The following SCUBE1 variants were observed in gnomAD, a reference collection of about 807,000 sequenced individuals.
The protein encoded by SCUBE1 is signal peptide, CUB and EGF-like domain-containing protein 1.
Under a neutral mutation model 124.4 loss-of-function variants are expected in SCUBE1, and 59 were observed. The observed-to-expected ratio is 0.47, with a 90% confidence interval of 0.38 to 0.59. The LOEUF (loss-of-function observed/expected upper bound fraction) is 0.59, where lower values mean the gene tolerates loss of function less well. Ranked by LOEUF, SCUBE1 falls within the 20% of genes least tolerant of loss-of-function variation. The pLI is 0.00. For synonymous variants in SCUBE1, 545 were observed against 550.9 expected, an observed-to-expected ratio of 0.99 and a Z score of 0.15; for missense variants, 1,150 against 1,371.2, an observed-to-expected ratio of 0.84 and a Z score of 2.55.
chr22:43,339,444 T>C (rs1927194742), intron 1 of SCUBE1, among the ~76,000 whole-genome samples: 1 of 152,042 alleles, frequency 6.6e-6, no homozygotes, highest in Non-Finnish European at 1.5e-5. Flanking sequence ...GACAATGCTA[T>C]CAATACGCTT....
chr22:43,249,009 C>G (rs576600899), intron 6 of SCUBE1, among the ~76,000 whole-genome samples: 42 of 152,306 alleles, frequency 2.8e-4, no homozygotes, highest in African/African-American at 9.6e-4. Context: ...CTTCTGCCCC[C>G]AGTCAGGGGG....
chr22:43,247,366 C>A (rs947000846), intron 6 of SCUBE1, among the ~76,000 whole-genome samples: 5 of 152,168 alleles, frequency 3.3e-5, no homozygotes, highest in Admixed American at 3.3e-4. Context: ...AGGACTGAAC[C>A]CCGGTCTGAC....
intron 4 of SCUBE1, among the ~76,000 whole-genome samples, chr22:43,268,212 G>A (rs2146718819): frequency 6.6e-6 from 1 of 152,368 alleles, no homozygotes; most frequent in Admixed American, 6.5e-5. Flanking sequence ...TGAGCCTGAG[G>A]GACGGAAGGG....
intron 3 of SCUBE1, among the ~76,000 whole-genome samples, chr22:43,317,517 C>T (rs1926393368): frequency 1.3e-5 from 2 of 152,180 alleles, no homozygotes; most frequent in South Asian, 4.1e-4. Context: ...CCTCCCTCTA[C>T]CAACAAGGGC....
intron 21 of SCUBE1, 121 bp downstream of exon 21, chr22:43,207,413 T>C (rs1383926171): frequency 2.6e-6 from 2 of 756,612 alleles, no homozygotes; most frequent in Non-Finnish European, 2.3e-6. Flanking sequence ...CCTGCTCCTC[T>C]CCCATCACCA....
At chr22:43,294,211 G>A (rs1030578729) in intron 3 of SCUBE1, among the ~76,000 whole-genome samples, 3 of 152,218 alleles carry the variant, frequency 2.0e-5, no homozygotes, top group Non-Finnish European at 1.5e-5. Context: ...CCCGGCCCCC[G>A]AGGAGGGGAG....
chr22:43,281,582 TC>T (rs145855457), intron 4 of SCUBE1, among the ~76,000 whole-genome samples: 12 of 129,558 alleles, frequency 9.3e-5, no homozygotes, highest in African/African-American at 3.5e-4. Flanking sequence ...TCCTGTCACC[TC>T]CCTTCTCAGC....
intron 21 of SCUBE1, among the ~76,000 whole-genome samples, chr22:43,206,819 C>T (rs1487400809): frequency 5.9e-5 from 9 of 152,112 alleles, no homozygotes; most frequent in Non-Finnish European, 1.3e-4. Flanking sequence ...GGGGAGAGAG[C>T]CCAGGACGCA....
intron 10 of SCUBE1, among the ~76,000 whole-genome samples, chr22:43,223,890 G>T (rs115312461): frequency 0.012 from 1,866 of 152,276 alleles, 29 homozygotes; most frequent in African/African-American, 0.043. Flanking sequence ...AGGCTTCCAG[G>T]TTCAGTCAAG....
chr22:43,294,634 G>C (rs1925491258), intron 3 of SCUBE1, among the ~76,000 whole-genome samples: 1 of 152,230 alleles, frequency 6.6e-6, no homozygotes, highest in African/African-American at 2.4e-5. Flanking sequence ...TGTAGCCTGT[G>C]GGCGATGCCC....
chr22:43,206,281 A>G (rs1482872635), intron 21 of SCUBE1, among the ~76,000 whole-genome samples: 1 of 144,604 alleles, frequency 6.9e-6, no homozygotes, highest in Non-Finnish European at 1.5e-5. Flanking sequence ...CACTATACAC[A>G]CCCACTCAAC....
chr22:43,237,206 T>C (rs1922804858), intron 7 of SCUBE1, among the ~76,000 whole-genome samples: 1 of 152,138 alleles, frequency 6.6e-6, no homozygotes, highest in Non-Finnish European at 1.5e-5. Flanking sequence ...CGAGTGTCCC[T>C]TGGGCTACCG....
chr22:43,235,040 T>C (rs1443942857), intron 7 of SCUBE1, among the ~76,000 whole-genome samples: 2 of 152,216 alleles, frequency 1.3e-5, no homozygotes, highest in Non-Finnish European at 2.9e-5. Flanking sequence ...TGGGAGCTAA[T>C]GCCTTTGGGG....
rs1921007160 is a variant in SCUBE1 at position 43,201,360 on chromosome 22, A to C, written c.*2637T>G. Reference sequence around the variant, plus strand: ...AAAAAAGAAAACAAAAAACAAAACAAAAAAAACAAAACAAAAACATTTAAG... The same window carrying C: ...AAAAAAGAAAACAAAAAACAAAACACAAAAAACAAAACAAAAACATTTAAG... On this transcript the variant is annotated 3_prime_UTR_variant, in exon 22 of 22. Transcript: ENST00000360835. The C allele has an allele frequency of 6.6e-6, 1 of 152,096 alleles. No individual in the cohort carries two copies. The highest frequency in any genetic ancestry group is 1.9e-4 in the East Asian group (1 of 5,194). The allele number at this position is 152,096 out of a possible 1,614,324, so 9.4% of individuals were successfully genotyped here. A position where few individuals can be genotyped will look rare whatever the true frequency, so the allele number is the denominator to read the frequency against.
intron 4 of SCUBE1, among the ~76,000 whole-genome samples, chr22:43,271,187 G>A (rs1329338379): frequency 1.3e-5 from 2 of 152,192 alleles, no homozygotes; most frequent in African/African-American, 4.8e-5. Context: ...AGGTTGGACT[G>A]GGGCCATGCC....
intron 6 of SCUBE1, among the ~76,000 whole-genome samples, chr22:43,240,588 C>T (rs1290870018): frequency 6.6e-6 from 1 of 152,202 alleles, no homozygotes; most frequent in African/African-American, 2.4e-5. Context: ...ACTCACGGAG[C>T]CCCTCAGGCA....
At chr22:43,208,849 G>A (rs1443459041) in intron 19 of SCUBE1, among the ~76,000 whole-genome samples, 1 of 152,230 alleles carries the variant, frequency 6.6e-6, no homozygotes. Context: ...CGGTGACAGT[G>A]GGAGCACCCC....
At position 43,238,877 on chromosome 22, in the gene SCUBE1, C is replaced by T. The variant is rs147314688; in HGVS notation, c.805G>A (p.Val269Ile). The T allele has an allele frequency of 2.3e-5, 37 of 1,613,248 alleles. No individual in the cohort carries two copies. Among genetic ancestry groups the T allele is most frequent in the South Asian group, 5.5e-5 (5 of 91,082 alleles). The change falls in exon 7 of 22, where the codon GTT becomes ATT. Residue 269 changes from valine (V) to isoleucine (I), a missense_variant. Val to Ile is a conservative substitution (Grantham distance 29, BLOSUM62 3). This residue lies in a region of SCUBE1 where 337 missense variants were observed against 482.1 expected (regional missense o/e 0.70). Transcript: ENST00000360835. Reference protein sequence around the residue: ...TATGVRCSCPVGFTLQPDGKT... With the variant: ...TATGVRCSCPIGFTLQPDGKT... ...CCGTCCGGCTGCAGTGTGAATCCAA[C>T]GGGGCAGCTGCATCGCACGCCAGTG... is the stretch of plus-strand genomic sequence containing the variant.
At chr22:43,222,050 C>G (rs1406867801) in intron 12 of SCUBE1, among the ~76,000 whole-genome samples, 1 of 152,052 alleles carries the variant, frequency 6.6e-6, no homozygotes, top group Non-Finnish European at 1.5e-5. Flanking sequence ...GGTGACAGAG[C>G]GAGACTCCGT....
Sources: gnomAD v4.1 joint callset for allele counts (sites outside exome capture counted in the v4.1 genomes callset) on GRCh38, gnomAD v4.1.1 for gene constraint, gnomAD v4.1.1 regional missense constraint, MANE v1.5 for transcripts, NCBI Gene and HGNC (gene_info 2026-07-23, HGNC 2026-07-21) for gene names.